The following HABP4 variants were observed in gnomAD, a reference collection of about 807,000 sequenced individuals.
HABP4 encodes the protein hyaluronan binding protein 4.
Under a neutral mutation model 44.1 loss-of-function variants are expected in HABP4, and 32 were observed. The observed-to-expected ratio is 0.73, with a 90% CI of 0.55 to 0.97. HABP4 has a LOEUF of 0.97. Ranked by LOEUF, HABP4 falls within the 50% of genes least tolerant of loss-of-function variation. HABP4 has a pLI of 0.00. For synonymous variants in HABP4, 216 were observed against 218.0 expected (o/e 0.99, Z 0.08); for missense variants, 503 against 561.9 (o/e 0.90, Z 1.06).
At chr9:96,476,892 G>A (rs921405443) in intron 5 of HABP4, among the ~76,000 whole-genome samples, 2 of 152,178 alleles carry the variant, frequency 1.3e-5, no homozygotes, top group Non-Finnish European at 2.9e-5. Flanking sequence ...TGGGGCATTT[G>A]TGCCTCTATT....
intron 2 of HABP4, among the ~76,000 whole-genome samples, chr9:96,463,143 G>T (rs1832534631): frequency 6.6e-6 from 1 of 151,946 alleles, no homozygotes. Context: ...ATGGGGTTTT[G>T]CCATGTTGCC....
intron 4 of HABP4, among the ~76,000 whole-genome samples, chr9:96,468,075 CT>C (rs542297040): frequency 7.3e-5 from 11 of 149,842 alleles, no homozygotes; most frequent in South Asian, 2.1e-4. Context: ...AGTCAAAGCT[CT>C]TTTTTTTTTC....
At chr9:96,476,434 T>C (rs1832787332) in intron 5 of HABP4, among the ~76,000 whole-genome samples, 1 of 152,220 alleles carries the variant, frequency 6.6e-6, no homozygotes, top group African/African-American at 2.4e-5. Context: ...ATCAAATTTG[T>C]ATATAGCATT....
intron 5 of HABP4, among the ~76,000 whole-genome samples, chr9:96,476,162 G>A (rs914671549): frequency 2.6e-5 from 4 of 152,154 alleles, no homozygotes; most frequent in Non-Finnish European, 1.5e-5. Flanking sequence ...CTTTGGAAAC[G>A]CAATGACAGG....
chr9:96,469,550 T>C lies in HABP4; in HGVS notation c.744-1461T>C, dbSNP rs114847818. Among the ~76,000 whole-genome samples, 1,430 of 152,318 alleles carry C rather than the reference T, an allele frequency of 9.4e-3. 19 individuals carry two copies. Among genetic ancestry groups the C allele is most frequent in the African/African-American group, 0.032 (1,332 of 41,570 alleles). ...GTGATTTACCTTTTTTTCTTTTTTTTTGAGACAGAGTCTCCAGGCTGGAGT... is the reference window on the plus strand; with the variant it reads ...GTGATTTACCTTTTTTTCTTTTTTTCTGAGACAGAGTCTCCAGGCTGGAGT... On this transcript the variant is annotated intron_variant, in intron 4 of 7. Transcript: ENST00000375249.
At chr9:96,480,776 C>T (rs1472210364) in intron 5 of HABP4, among the ~76,000 whole-genome samples, 1 of 152,208 alleles carries the variant, frequency 6.6e-6, no homozygotes, top group Non-Finnish European at 1.5e-5. Flanking sequence ...TGTACATTCA[C>T]TGTTTTGACA....
At position 96,465,334 on chromosome 9, in the gene HABP4, T is replaced by A. The variant is rs550981382; in HGVS notation, c.513-3T>A. 21 of 1,600,546 alleles carry A rather than the reference T, an allele frequency of 1.3e-5. No homozygotes were observed. The Admixed American group carries it at 1.3e-4, about 10-fold the overall frequency. The stretch of plus-strand genomic sequence containing the variant: ...AGTTTTTATTATATCCACTCCTTCC[T>A]AGACCAGGTGATAGGTTTGATCGAG... On this transcript the variant is annotated splice_region_variant and splice_polypyrimidine_tract_variant and intron_variant, in intron 2 of 7. Transcript: ENST00000375249.
chr9:96,474,114 C>A (rs557344248), intron 5 of HABP4, among the ~76,000 whole-genome samples: 1 of 152,276 alleles, frequency 6.6e-6, no homozygotes, highest in East Asian at 1.9e-4. Context: ...ATTATTGTTA[C>A]TTACTTCAAG....
intron 4 of HABP4, among the ~76,000 whole-genome samples, chr9:96,470,776 A>G (rs1832680995): frequency 6.6e-6 from 1 of 151,894 alleles, no homozygotes; most frequent in Non-Finnish European, 1.5e-5. Flanking sequence ...GGACGCCTGT[A>G]ATCCCAGTTA....
intron 3 of HABP4, 48 bp downstream of exon 3, chr9:96,465,546 C>T: frequency 3.0e-6 from 4 of 1,317,188 alleles, no homozygotes; most frequent in Non-Finnish European, 4.4e-6. Flanking sequence ...GGTGTCAGCA[C>T]GTGGTATGAA....
intron 1 of HABP4, among the ~76,000 whole-genome samples, chr9:96,452,763 G>GTA (rs1173301810): frequency 4.6e-5 from 7 of 152,122 alleles, no homozygotes; most frequent in African/African-American, 1.7e-4. Flanking sequence ...AAGAAGCACT[G>GTA]TACTTTTCTA....
chr9:96,459,705 A>G (rs996557388), intron 2 of HABP4, among the ~76,000 whole-genome samples: 2 of 152,164 alleles, frequency 1.3e-5, no homozygotes, highest in African/African-American at 4.8e-5. Context: ...GTTTTAACCA[A>G]AAAATGTGGC....
chr9:96,454,946 C>T (rs1434680953), intron 1 of HABP4, among the ~76,000 whole-genome samples: 1 of 151,406 alleles, frequency 6.6e-6, no homozygotes, highest in Admixed American at 6.6e-5. Context: ...AGACCTGTCT[C>T]TACAAAAAAA....
intron 5 of HABP4, among the ~76,000 whole-genome samples, chr9:96,475,868 G>T (rs555382972): frequency 6.6e-6 from 1 of 152,292 alleles, no homozygotes; most frequent in South Asian, 2.1e-4. Flanking sequence ...GTTTCCTAGT[G>T]TATTTGCTTA....
At chr9:96,461,611 C>G (rs1267177076) in intron 2 of HABP4, among the ~76,000 whole-genome samples, 1 of 151,970 alleles carries the variant, frequency 6.6e-6, no homozygotes, top group Non-Finnish European at 1.5e-5. Flanking sequence ...CGTTCTCTGC[C>G]TGGGTAGAAT....
chr9:96,462,015 G>A (rs1357592898), intron 2 of HABP4, among the ~76,000 whole-genome samples: 2 of 151,336 alleles, frequency 1.3e-5, no homozygotes, highest in Non-Finnish European at 2.9e-5. Flanking sequence ...AATTAGTGGG[G>A]TGCGCCTGTA....
At chr9:96,457,574 A>G (rs566306147) in intron 1 of HABP4, among the ~76,000 whole-genome samples, 6 of 152,330 alleles carry the variant, frequency 3.9e-5, no homozygotes, top group African/African-American at 1.2e-4. Context: ...AAACTTTAAA[A>G]ACAAAAACCT....
At chr9:96,489,812 G>C (rs558188006) in intron 7 of HABP4, among the ~76,000 whole-genome samples, 170 bp from the exon 8 acceptor site, 1 of 152,334 alleles carries the variant, frequency 6.6e-6, no homozygotes, top group African/African-American at 2.4e-5. Context: ...GTGGGAGGGG[G>C]AGCTGTACTT....
intron 4 of HABP4, among the ~76,000 whole-genome samples, chr9:96,466,099 G>A (rs566739204): frequency 6.6e-6 from 1 of 152,082 alleles, no homozygotes; most frequent in Non-Finnish European, 1.5e-5. Flanking sequence ...GGCTGCACAC[G>A]GTGACTCACG....
Sources: gnomAD v4.1 joint callset for allele counts (sites outside exome capture counted in the v4.1 genomes callset) on GRCh38, gnomAD v4.1.1 for gene constraint, MANE v1.5 for transcripts, NCBI Gene and HGNC (gene_info 2026-07-23, HGNC 2026-07-21) for gene names.